Variants in TRDMT1 observed in about 807,000 individuals in gnomAD.
The protein encoded by TRDMT1 is tRNA aspartic acid methyltransferase 1.
In TRDMT1, 49 loss-of-function variants were observed where a neutral mutation model predicts 51.2. The ratio of observed to expected loss-of-function variants is 0.96; its 90% confidence interval spans 0.76 to 1.21. The LOEUF is 1.21. Ranked by LOEUF, TRDMT1 falls within the 50% of genes most tolerant of loss-of-function variation. The pLI, the probability that TRDMT1 is intolerant of heterozygous loss-of-function variation, is 0.00. For synonymous variants in TRDMT1, 187 were observed against 164.6 expected, an observed-to-expected ratio of 1.14 and a Z score of -1.04; for missense variants, 534 against 462.3, an observed-to-expected ratio of 1.16 and a Z score of -1.42.
chr10:17,201,612 T>C lies in TRDMT1; in HGVS notation c.23A>G (p.Glu8Gly). The change falls in exon 1 of 11, where the codon GAG becomes GGG. Residue 8 changes from glutamate to glycine, a missense_variant. Glu to Gly is a moderately conservative substitution (Grantham distance 98). Coordinates refer to ENST00000377799, the MANE Select transcript of TRDMT1 (RefSeq NM_004412.7). The part of the protein sequence containing the change: MEPLRVL[E>G]LYSGVGGMHH... ...CATGCCGCCCACGCCGCTGTATAGC[T>C]CCAGCACCCGCAGGGGCTCCATCCC... 6.5e-7 allele frequency: 1 copy of C among 1,546,768 alleles called. No individual in the cohort carries two copies. Among genetic ancestry groups the C allele is most frequent in the Non-Finnish European group, 8.7e-7 (1 of 1,145,168 alleles).
chr10:17,147,004 G>A lies in TRDMT1; in HGVS notation c.*2036C>T. ...TAAGAATTCCACTAAGCTACATTCTGTCTACCAGTTTGTAAGCAAATGTCT... is the reference window on the plus strand; with the variant it reads ...TAAGAATTCCACTAAGCTACATTCTATCTACCAGTTTGTAAGCAAATGTCT... On this transcript the variant is annotated 3_prime_UTR_variant, in exon 11 of 11. Transcript: ENST00000377799. The A allele has an allele frequency of 2.0e-6, 2 of 985,508 alleles. No homozygotes were observed. Among genetic ancestry groups the A allele is most frequent in the Non-Finnish European group, 2.4e-6 (2 of 829,916 alleles). The allele number at this position is 985,508 out of a possible 1,614,324, so 61.0% of individuals were successfully genotyped here. A position where few individuals can be genotyped will look rare whatever the true frequency, so the allele number is the denominator to read the frequency against.
At chr10:17,169,304 A>T in intron 2 of TRDMT1, 2 of 1,177,722 alleles carry the variant, frequency 1.7e-6, no homozygotes, top group African/African-American at 1.6e-5. Flanking sequence ...ATTTTTAAAT[A>T]CCTACCTGTC....
chr10:17,175,655 C>A (rs1238285545), intron 1 of TRDMT1, among the ~76,000 whole-genome samples: 1 of 149,206 alleles, frequency 6.7e-6, no homozygotes, highest in Non-Finnish European at 1.5e-5. Context: ...GATTAGCTTA[C>A]CCCAAATATC....
Position 17,147,079 on chromosome 10 carries a change from A to G in TRDMT1, c.*1961T>C, listed in dbSNP as rs1838181229. ...GTTGGTGCACAGTAACTCGACACTT[A>G]TTTTGTATAATGTTGCTCAACCGAA... On this transcript the variant is annotated 3_prime_UTR_variant, in exon 11 of 11. Transcript: ENST00000377799. 2.0e-5 allele frequency: 20 copies of G among 985,648 alleles called. No homozygotes were observed. Among genetic ancestry groups the G allele is most frequent in the South Asian group, 4.7e-5 (1 of 21,296 alleles). 61.1% of individuals were successfully genotyped at this position (985,648 alleles called of 1,614,324 possible). A position where few individuals can be genotyped will look rare whatever the true frequency, so the allele number is the denominator to read the frequency against.
Position 17,153,762 on chromosome 10 carries a change from G to C in TRDMT1, c.946-126C>G, listed in dbSNP as rs1193231511. ...GTAACACACAGTGGCAAAGTGCACA[G>C]GGCAAAATGGCTCTGTGCAATAGAC... On this transcript the variant is annotated intron_variant, in intron 9 of 10. Transcript: ENST00000377799. 3 of 918,060 alleles carry C rather than the reference G, an allele frequency of 3.3e-6. No individual in the cohort carries two copies. The African/African-American group carries it at 5.0e-5, about 15-fold the overall frequency. The allele number at this position is 918,060 out of a possible 1,614,324, so 56.9% of individuals were successfully genotyped here.
chr10:17,144,772 A>C lies in TRDMT1; in HGVS notation c.*4268T>G. On this transcript the variant is annotated 3_prime_UTR_variant, in exon 11 of 11. Coordinates refer to ENST00000377799, the MANE Select transcript of TRDMT1 (RefSeq NM_004412.7). ...AAATGTTCCTAGACAGCCTAAAGAG[A>C]GAAACGGAAGCTAGAAACAACAACA... 1 of 985,374 alleles carries C rather than the reference A, an allele frequency of 1.0e-6. No individual in the cohort carries two copies. Among genetic ancestry groups the C allele is most frequent in the Non-Finnish European group, 1.2e-6 (1 of 829,906 alleles). 61.0% of individuals were successfully genotyped at this position (985,374 alleles called of 1,614,324 possible).
Position 17,144,623 on chromosome 10 carries a change from T to G in TRDMT1, c.*4417A>C, listed in dbSNP as rs964456568. The G allele has an allele frequency of 4.1e-6, 4 of 985,404 alleles. No homozygotes were observed. The African/African-American group carries it at 7.0e-5, about 17-fold the overall frequency. The allele number at this position is 985,404 out of a possible 1,614,324, so 61.0% of individuals were successfully genotyped here. On this transcript the variant is annotated 3_prime_UTR_variant, in exon 11 of 11. Coordinates refer to ENST00000377799, the MANE Select transcript of TRDMT1 (RefSeq NM_004412.7). The stretch of plus-strand genomic sequence containing the variant: ...GGGAATACAAAGCCAAAACAGCTCA[T>G]TGTACATGCTCATATTTCTTGAACA...
At chr10:17,200,233 C>A (rs1845969361) in intron 1 of TRDMT1, among the ~76,000 whole-genome samples, 1 of 152,190 alleles carries the variant, frequency 6.6e-6, no homozygotes, top group African/African-American at 2.4e-5. Flanking sequence ...ATATTCGACA[C>A]TTAAGGAATG....
chr10:17,177,257 C>T (rs1228877983), intron 1 of TRDMT1, among the ~76,000 whole-genome samples: 2 of 151,360 alleles, frequency 1.3e-5, no homozygotes, highest in African/African-American at 4.9e-5. Flanking sequence ...AGTTCAGTGG[C>T]ATGATCTCGG....
At chr10:17,192,251 A>C (rs1844787098) in intron 1 of TRDMT1, among the ~76,000 whole-genome samples, 1 of 152,222 alleles carries the variant, frequency 6.6e-6, no homozygotes, top group African/African-American at 2.4e-5. Flanking sequence ...GGGCAACTAG[A>C]AGAACAAAGC....
At chr10:17,198,177 T>C (rs931120074) in intron 1 of TRDMT1, among the ~76,000 whole-genome samples, 3 of 152,114 alleles carry the variant, frequency 2.0e-5, no homozygotes, top group Admixed American at 6.5e-5. Context: ...GTGGAGAATA[T>C]GGAGGTAGAG....
chr10:17,163,887 C>T (rs12416412), intron 3 of TRDMT1, among the ~76,000 whole-genome samples: 1 of 151,908 alleles, frequency 6.6e-6, no homozygotes, highest in Admixed American at 6.5e-5. Context: ...AGCTTACCAA[C>T]CAAAAAAAAG....
intron 10 of TRDMT1, chr10:17,152,194 C>T (rs976459987): frequency 2.4e-6 from 2 of 828,840 alleles, no homozygotes; most frequent in Admixed American, 3.3e-5. Context: ...TTTTGTAATG[C>T]TGTCACTCGT....
chr10:17,147,982 A>G lies in TRDMT1; in HGVS notation c.*1058T>C, dbSNP rs1248130391. The G allele has an allele frequency of 3.0e-6, 3 of 983,922 alleles. No homozygotes were observed. The highest frequency in any genetic ancestry group is 1.2e-6 in the Non-Finnish European group (1 of 828,644). 60.9% of individuals were successfully genotyped at this position (983,922 alleles called of 1,614,324 possible). A position where few individuals can be genotyped will look rare whatever the true frequency, so the allele number is the denominator to read the frequency against. Reference sequence around the variant, plus strand: ...CACCTCTAAATAGCTGATTTTTAAGAAGAAAAATTTGAATTAAAATCTTGT... The same window carrying G: ...CACCTCTAAATAGCTGATTTTTAAGGAGAAAAATTTGAATTAAAATCTTGT... On this transcript the variant is annotated 3_prime_UTR_variant, in exon 11 of 11. Coordinates refer to ENST00000377799, the MANE Select transcript of TRDMT1 (RefSeq NM_004412.7).
In TRDMT1 at chr10:17,145,348, C is replaced by A. The variant is rs1838016183; in HGVS notation, c.*3692G>T. On this transcript the variant is annotated 3_prime_UTR_variant, in exon 11 of 11. Coordinates refer to ENST00000377799, the MANE Select transcript of TRDMT1 (RefSeq NM_004412.7). The stretch of plus-strand genomic sequence containing the variant: ...ACATCTTGGTGGGTGTGACAGAGGT[C>A]CAGAAAAGTGCTTGCTAAGAAGCTG... 1 of 985,046 alleles carries A rather than the reference C, an allele frequency of 1.0e-6. No homozygotes were observed. Among genetic ancestry groups the A allele is most frequent in the Admixed American group, 6.2e-5 (1 of 16,230 alleles). The allele number at this position is 985,046 out of a possible 1,614,324, so 61.0% of individuals were successfully genotyped here.
Position 17,147,119 on chromosome 10 carries a change from A to G in TRDMT1, c.*1921T>C, listed in dbSNP as rs186388661. 1.0e-6 allele frequency: 1 copy of G among 985,718 alleles called. No individual in the cohort carries two copies. The highest frequency in any genetic ancestry group is 1.2e-6 in the Non-Finnish European group (1 of 829,906). 61.1% of individuals were successfully genotyped at this position (985,718 alleles called of 1,614,324 possible). ...GCTCAACCGAATGTGGGATACTATA[A>G]TTATAGCATAATTATTCATAGTTAC... On this transcript the variant is annotated 3_prime_UTR_variant, in exon 11 of 11. Coordinates refer to ENST00000377799, the MANE Select transcript of TRDMT1 (RefSeq NM_004412.7).
rs1307592170 is a variant in TRDMT1, at chr10:17,145,272, C to CA, written c.*3767dup. 1.1e-6 allele frequency: 1 copy of CA among 951,560 alleles called. No homozygotes were observed. The highest frequency in any genetic ancestry group is 1.2e-6 in the Non-Finnish European group (1 of 810,182). The allele number at this position is 951,560 out of a possible 1,614,324, so 58.9% of individuals were successfully genotyped here. A position where few individuals can be genotyped will look rare whatever the true frequency, so the allele number is the denominator to read the frequency against. On this transcript the variant is annotated 3_prime_UTR_variant, in exon 11 of 11. Transcript: ENST00000377799. ...AAAAACAAAACAAAACAAAACAAAA[C>CA]AAAACAAAAAAAACAGCAAAGGGAA...
At chr10:17,200,142 G>A (rs765319463) in intron 1 of TRDMT1, among the ~76,000 whole-genome samples, 6 of 152,144 alleles carry the variant, frequency 3.9e-5, no homozygotes, top group Non-Finnish European at 8.8e-5. Context: ...TAGTAAACAT[G>A]CTTAAAGAGA....
Position 17,157,763 on chromosome 10 carries a change from T to C in TRDMT1, c.565A>G (p.Ile189Val), listed in dbSNP as rs1564567962. The C allele has an allele frequency of 1.3e-6, 2 of 1,596,438 alleles. No individual in the cohort carries two copies. Among genetic ancestry groups the C allele is most frequent in the Non-Finnish European group, 1.7e-6 (2 of 1,172,706 alleles). The change falls in exon 8 of 11, where the codon ATT (isoleucine) becomes GTT (valine). Residue 189 changes from isoleucine (I) to valine (V), a missense_variant. Transcript: ENST00000377799. ...TATTTTTGTGGATGTACAGATTCAA[T>C]TTTGGGGAACTCCATCAGTACCTGG... ...PGQVLMEFPK[I>V]ESVHPQKYAM...
Sources: allele counts gnomAD v4.1 joint callset (sites outside exome capture counted in the v4.1 genomes callset), GRCh38; gene constraint gnomAD v4.1.1; transcripts MANE v1.5; gene names NCBI Gene and HGNC (gene_info 2026-07-23, HGNC 2026-07-21).